MARCHF3: variants seen among roughly 807,000 people sequenced by gnomAD.
MARCHF3 encodes the protein membrane associated ring-CH-type finger 3.
Under a neutral mutation model 24.2 loss-of-function variants are expected in MARCHF3, and 13 were observed. The observed-to-expected ratio is 0.54, with a 90% CI of 0.35 to 0.85. The LOEUF is 0.85. Among genes scored for constraint, MARCHF3 ranks in the 40% least tolerant of loss-of-function variants. MARCHF3 has a pLI of 0.01. For missense variants in MARCHF3, 276 were observed against 325.0 expected (o/e 0.85, Z 1.16); for synonymous variants, 144 against 137.3 (o/e 1.05, Z -0.34).
intron 3 of MARCHF3, among the ~76,000 whole-genome samples, chr5:126,912,201 TAAGAA>T (rs1447696771): frequency 6.6e-6 from 1 of 151,990 alleles, no homozygotes; most frequent in African/African-American, 2.4e-5. Context: ...GCTGCAGAGA[TAAGAA>T]AAGGAAGTGA....
chr5:126,945,593 G>A (rs564931487), intron 1 of MARCHF3, among the ~76,000 whole-genome samples: 1 of 152,278 alleles, frequency 6.6e-6, no homozygotes, highest in Admixed American at 6.5e-5. Context: ...CAGGTGGGAG[G>A]GAGAAGAGGA....
At chr5:126,918,970 G>A (rs1020567781) in intron 1 of MARCHF3, among the ~76,000 whole-genome samples, 4 of 152,170 alleles carry the variant, frequency 2.6e-5, no homozygotes, top group Admixed American at 2.6e-4. Flanking sequence ...ATGATGTCTT[G>A]TTTGTGTACT....
rs555515462 is a variant in MARCHF3 at position 126,870,855 on chromosome 5, C to T, written c.604-64G>A. On this transcript the variant is annotated intron_variant, in intron 4 of 4. Transcript: ENST00000308660. ...GGTCAGCAGAAGTGGATAATCAATA[C>T]AAGAAACAAATATGTCATTTGAAAG... 1.4e-5 allele frequency: 23 copies of T among 1,588,602 alleles called. No individual in the cohort carries two copies. In the African/African-American group the frequency reaches 2.8e-4, roughly 20 times the overall value.
At chr5:126,921,200 C>T (rs1228687036) in intron 1 of MARCHF3, among the ~76,000 whole-genome samples, 1 of 152,062 alleles carries the variant, frequency 6.6e-6, no homozygotes, top group Non-Finnish European at 1.5e-5. Flanking sequence ...CAATGAGTCC[C>T]AACAGCCCTG....
chr5:126,985,977 C>A (rs1751551747), intron 1 of MARCHF3, among the ~76,000 whole-genome samples: 1 of 152,152 alleles, frequency 6.6e-6, no homozygotes, highest in Non-Finnish European at 1.5e-5. Flanking sequence ...CACCTTCTTA[C>A]AAAAGAGTTT....
chr5:126,965,846 A>G (rs1580689015), intron 1 of MARCHF3, among the ~76,000 whole-genome samples: 1 of 152,228 alleles, frequency 6.6e-6, no homozygotes, highest in South Asian at 2.1e-4. Flanking sequence ...AGTTAAACAT[A>G]TATTTAACAT....
chr5:126,930,519 G>A lies in MARCHF3; in HGVS notation c.-56-12292C>T, dbSNP rs563181418. Among the ~76,000 whole-genome samples the A allele has an allele frequency of 9.2e-5, 14 of 152,346 alleles. No individual in the cohort carries two copies. The South Asian group carries it at 1.2e-3, about 14-fold the overall frequency. The stretch of plus-strand genomic sequence containing the variant: ...AGGAGAACTAATGCCTCTGTAGACT[G>A]ACTACTCAAGGTCATCATGCCTGTA... On this transcript the variant is annotated intron_variant, in intron 1 of 4. Transcript: ENST00000308660.
intron 3 of MARCHF3, among the ~76,000 whole-genome samples, chr5:126,906,694 T>G (rs542176437): frequency 2.6e-5 from 4 of 152,342 alleles, no homozygotes; most frequent in African/African-American, 9.6e-5. Context: ...TGTGTCTATT[T>G]GATTCTTCTC....
chr5:126,973,879 A>ATTTTTTTTT (rs10585434), intron 1 of MARCHF3, among the ~76,000 whole-genome samples: 3 of 82,942 alleles, frequency 3.6e-5, no homozygotes, highest in Non-Finnish European at 6.5e-5. Context: ...AGCAAAATCT[A>ATTTTTTTTT]TTTTTTTTTT....
At chr5:126,926,177 G>A (rs926879356) in intron 1 of MARCHF3, among the ~76,000 whole-genome samples, 7 of 152,156 alleles carry the variant, frequency 4.6e-5, no homozygotes, top group Non-Finnish European at 8.8e-5. Context: ...CTTAACCCAA[G>A]CCTCCAGAAG....
chr5:126,927,448 A>AT (rs913250861), intron 1 of MARCHF3, among the ~76,000 whole-genome samples: 1 of 152,034 alleles, frequency 6.6e-6, no homozygotes, highest in Non-Finnish European at 1.5e-5. Flanking sequence ...CTGAGGTGCT[A>AT]TTTTTTTCTA....
chr5:126,946,585 C>T (rs1228864443), intron 1 of MARCHF3, among the ~76,000 whole-genome samples: 1 of 151,898 alleles, frequency 6.6e-6, no homozygotes, highest in Non-Finnish European at 1.5e-5. Context: ...GGGGTCCTAC[C>T]CCACCAGGAA....
At chr5:126,887,644 C>T (rs1415507924) in intron 3 of MARCHF3, among the ~76,000 whole-genome samples, 1 of 152,306 alleles carries the variant, frequency 6.6e-6, no homozygotes, top group Non-Finnish European at 1.5e-5. Flanking sequence ...AGTTTAAGCA[C>T]CTGGTACCCA....
At chr5:126,982,290 C>A (rs1177883989) in intron 1 of MARCHF3, among the ~76,000 whole-genome samples, 28 of 152,216 alleles carry the variant, frequency 1.8e-4, no homozygotes. Context: ...TCTTTCCCTG[C>A]TCCCATCTTC....
chr5:126,896,599 T>G (rs1753928404), intron 3 of MARCHF3, among the ~76,000 whole-genome samples: 1 of 152,098 alleles, frequency 6.6e-6, no homozygotes, highest in African/African-American at 2.4e-5. Context: ...TCTCTGTCTA[T>G]ATGTATAACT....
At chr5:126,902,070 G>A (rs901036301) in intron 3 of MARCHF3, among the ~76,000 whole-genome samples, 1 of 152,020 alleles carries the variant, frequency 6.6e-6, no homozygotes, top group African/African-American at 2.4e-5. Context: ...GAAAGGGTCC[G>A]GAATCTTTCA....
rs1305486292 is a variant in MARCHF3, at chr5:126,915,138, C to G, written c.189-4G>C. ...CATCGGCCGGTCATTGAAGGGGCTG[C>G]AAGAGAAGGAGGGGCACCTGCTGGT... On this transcript the variant is annotated splice_region_variant and splice_polypyrimidine_tract_variant and intron_variant, in intron 2 of 4. Transcript: ENST00000308660. 6.2e-7 allele frequency: 1 copy of G among 1,612,724 alleles called. No homozygotes were observed. The highest frequency in any genetic ancestry group is 8.5e-7 in the Non-Finnish European group (1 of 1,179,854).
At chr5:126,972,245 T>TAAAA (rs747060453) in intron 1 of MARCHF3, among the ~76,000 whole-genome samples, 25 of 58,706 alleles carry the variant, frequency 4.3e-4, no homozygotes, top group African/African-American at 1.3e-3. Flanking sequence ...ATTAAAGAAC[T>TAAAA]AAAAAAAAAA....
intron 1 of MARCHF3, among the ~76,000 whole-genome samples, chr5:126,972,291 TA>T (rs1751045633): frequency 6.9e-6 from 1 of 144,758 alleles, no homozygotes; most frequent in South Asian, 2.3e-4. Context: ...AATCACCCCC[TA>T]AAAACCAGGA....
Sources: gnomAD v4.1 joint callset for allele counts (sites outside exome capture counted in the v4.1 genomes callset) on GRCh38, gnomAD v4.1.1 for gene constraint, MANE v1.5 for transcripts, NCBI Gene and HGNC (gene_info 2026-07-23, HGNC 2026-07-21) for gene names.